IL15: variants seen among roughly 807,000 people sequenced by gnomAD.
IL15 encodes the protein interleukin 15, also known as interleukin-15.
Under a neutral mutation model 19.6 loss-of-function variants are expected in IL15, and 11 were observed. The ratio of observed to expected loss-of-function variants is 0.56; its 90% CI spans 0.35 to 0.93. The LOEUF is 0.93. IL15 is among the 40% of genes least tolerant of loss of function. The pLI is 0.01. For missense variants in IL15, 197 were observed against 186.5 expected (o/e 1.06, Z -0.33); for synonymous variants, 58 against 59.6 (o/e 0.97, Z 0.12).
chr4:141,684,223 T>C (rs1476090472), intron 2 of IL15, among the ~76,000 whole-genome samples: 1 of 152,190 alleles, frequency 6.6e-6, no homozygotes, highest in Non-Finnish European at 1.5e-5. Flanking sequence ...CTTTTTTTTC[T>C]GTTAAAAGAT....
At chr4:141,676,885 T>C (rs773578554) in intron 2 of IL15, among the ~76,000 whole-genome samples, 4 of 152,066 alleles carry the variant, frequency 2.6e-5, no homozygotes, top group Non-Finnish European at 4.4e-5. Context: ...TTAATGGAGA[T>C]GAATGCTTTT....
At chr4:141,730,066 C>A in intron 7 of IL15, 82 bp downstream of exon 7, 1 of 1,094,636 alleles carries the variant, frequency 9.1e-7, no homozygotes, top group Non-Finnish European at 1.4e-6. Flanking sequence ...CAAGCAGATC[C>A]TCCTAAGGGG....
At chr4:141,722,146 C>T (rs1484868366) in intron 5 of IL15, 138 bp downstream of exon 5, 3 of 1,160,296 alleles carry the variant, frequency 2.6e-6, no homozygotes, top group Middle Eastern at 3.2e-4. Context: ...TTATAAAGCT[C>T]AAAAAGAAGT....
At chr4:141,702,923 C>A (rs998538290) in intron 2 of IL15, among the ~76,000 whole-genome samples, 7 of 152,150 alleles carry the variant, frequency 4.6e-5, no homozygotes, top group African/African-American at 7.2e-5. Context: ...TTGGGTGGGG[C>A]CTGCCGCAGC....
chr4:141,726,012 T>C (rs1730250329), intron 5 of IL15, among the ~76,000 whole-genome samples: 1 of 152,076 alleles, frequency 6.6e-6, no homozygotes, highest in Non-Finnish European at 1.5e-5. Flanking sequence ...TCTCTCTTCC[T>C]CTTCTTATAA....
At chr4:141,688,367 A>T (rs1334682132) in intron 2 of IL15, among the ~76,000 whole-genome samples, 1 of 152,340 alleles carries the variant, frequency 6.6e-6, no homozygotes, top group Admixed American at 6.5e-5. Context: ...TAATGTGTTA[A>T]ATAACAGCTT....
intron 7 of IL15, 140 bp from the exon 8 acceptor site, chr4:141,732,598 T>A: frequency 9.1e-7 from 1 of 1,104,186 alleles, no homozygotes; most frequent in South Asian, 1.6e-5. Context: ...TAGTTCTTCC[T>A]AATATGCTAT....
chr4:141,728,772 GCA>G (rs1262081415), intron 6 of IL15, among the ~76,000 whole-genome samples: 1 of 152,068 alleles, frequency 6.6e-6, no homozygotes, highest in Non-Finnish European at 1.5e-5. Flanking sequence ...TCATGCTGCT[GCA>G]CAAAGAAATT....
chr4:141,703,324 G>A (rs994452423), intron 2 of IL15, among the ~76,000 whole-genome samples: 4 of 152,122 alleles, frequency 2.6e-5, no homozygotes, highest in African/African-American at 9.7e-5. Context: ...CACAAATTCA[G>A]CTGGGAGCTT....
intron 2 of IL15, among the ~76,000 whole-genome samples, chr4:141,689,967 C>T (rs888254430): frequency 1.8e-4 from 27 of 152,338 alleles, no homozygotes; most frequent in African/African-American, 5.0e-4. Flanking sequence ...GTGGGAGGCT[C>T]AGGCATGGCA....
chr4:141,713,287 C>T (rs773726513), intron 2 of IL15, among the ~76,000 whole-genome samples: 5 of 152,120 alleles, frequency 3.3e-5, no homozygotes, highest in African/African-American at 4.8e-5. Flanking sequence ...AGATCTGTAG[C>T]GGTCAAAAGC....
chr4:141,638,529 C>A (rs1266361131), intron 1 of IL15, among the ~76,000 whole-genome samples: 13 of 152,146 alleles, frequency 8.5e-5, no homozygotes, highest in African/African-American at 3.1e-4. Context: ...AGCTATAGTT[C>A]TGGTTGGAAT....
intron 2 of IL15, among the ~76,000 whole-genome samples, chr4:141,670,187 G>A (rs1045029933): frequency 7.2e-5 from 11 of 151,764 alleles, no homozygotes; most frequent in African/African-American, 2.4e-4. Context: ...ATAATTCTGT[G>A]GAAATTAATG....
intron 2 of IL15, among the ~76,000 whole-genome samples, chr4:141,696,576 ATTT>A (rs1230181502): frequency 6.6e-6 from 1 of 151,918 alleles, no homozygotes; most frequent in Non-Finnish European, 1.5e-5. Context: ...ATAGCTTTCC[ATTT>A]TTTCAGTGTC....
At chr4:141,668,894 C>T (rs191809366) in intron 2 of IL15, among the ~76,000 whole-genome samples, 5 of 152,258 alleles carry the variant, frequency 3.3e-5, no homozygotes, top group Non-Finnish European at 5.9e-5. Flanking sequence ...AGCCTAACTT[C>T]GTGCTAAAAA....
At chr4:141,689,249 A>G (rs995896938) in intron 2 of IL15, among the ~76,000 whole-genome samples, 2 of 152,046 alleles carry the variant, frequency 1.3e-5, no homozygotes, top group African/African-American at 4.8e-5. Context: ...GGACCTGAGC[A>G]GGTTGCCACT....
At chr4:141,712,727 T>G (rs1239388794) in intron 2 of IL15, among the ~76,000 whole-genome samples, 1 of 150,844 alleles carries the variant, frequency 6.6e-6, no homozygotes, top group East Asian at 1.9e-4. Context: ...TTTTTGATAG[T>G]GATTGAAACT....
At chr4:141,694,385 C>T (rs937676597) in intron 2 of IL15, among the ~76,000 whole-genome samples, 3 of 152,118 alleles carry the variant, frequency 2.0e-5, no homozygotes, top group African/African-American at 7.2e-5. Context: ...CTTCACCATT[C>T]AATATATGGT....
Position 141,732,822 on chromosome 4 carries a change from G to T in IL15, c.463G>T (p.Val155Phe), listed in dbSNP as rs867411290. 1 of 1,609,888 alleles carries T rather than the reference G, an allele frequency of 6.2e-7. No homozygotes were observed. The highest frequency in any genetic ancestry group is 8.5e-7 in the Non-Finnish European group (1 of 1,178,896). ...ATTTTTGCAGAGTTTTGTACATATT[G>T]TCCAAATGTTCATCAACACTTCTTG... ...KEFLQSFVHIVQMFINTS is the reference protein window; with the variant it reads ...KEFLQSFVHIFQMFINTS The change falls in exon 8 of 8, where the codon GTC (valine) becomes TTC (phenylalanine). Residue 155 changes from valine (V) to phenylalanine (F), a missense_variant. Val to Phe is a conservative substitution (Grantham distance 50, BLOSUM62 -1). Coordinates refer to ENST00000320650, the MANE Select transcript of IL15 (RefSeq NM_000585.5).
Sources: gnomAD v4.1 joint callset for allele counts (sites outside exome capture counted in the v4.1 genomes callset) on GRCh38, gnomAD v4.1.1 for gene constraint, MANE v1.5 for transcripts, NCBI Gene and HGNC (gene_info 2026-07-23, HGNC 2026-07-21) for gene names.